Variants in USP38 observed in about 807,000 individuals in gnomAD.
The protein encoded by USP38 is ubiquitin carboxyl-terminal hydrolase 38.
In USP38, 49 loss-of-function variants were observed where a neutral mutation model predicts 94.3. The ratio of observed to expected loss-of-function variants is 0.52; its 90% CI spans 0.41 to 0.66. The LOEUF is 0.66. Ranked by LOEUF, USP38 falls within the 30% of genes least tolerant of loss-of-function variation. USP38 has a pLI of 0.00. For missense variants in USP38, 1,128 were observed against 1,229.4 expected, an observed-to-expected ratio of 0.92 and a Z score of 1.23; for synonymous variants, 468 against 463.6, an observed-to-expected ratio of 1.01 and a Z score of -0.12.
chr4:143,207,893 A>G (rs990533748), intron 6 of USP38, among the ~76,000 whole-genome samples: 7 of 152,148 alleles, frequency 4.6e-5, no homozygotes, highest in Non-Finnish European at 7.4e-5. Context: ...GGAAGACAGC[A>G]TATTTTATTT....
At chr4:143,197,704 T>C in intron 3 of USP38, 119 bp from the exon 4 acceptor site, 1 of 654,972 alleles carries the variant, frequency 1.5e-6, no homozygotes, top group South Asian at 2.1e-5. Flanking sequence ...TAAGTTATGT[T>C]AGAACTTTCC....
Position 143,195,788 on chromosome 4 carries a change from G to C in USP38, c.891G>C (p.Leu297=). The C allele has an allele frequency of 6.2e-7, 1 of 1,613,722 alleles. No individual in the cohort carries two copies. The highest frequency in any genetic ancestry group is 8.5e-7 in the Non-Finnish European group (1 of 1,179,818). Residue 297 remains leucine (L), a synonymous_variant, in exon 3 of 10, where the codon CTG becomes CTC. Transcript: ENST00000307017. ...DTWVIALLKG[L]AAVQKFTILI... ...GGGTAATTGCACTCCTGAAAGGACT[G>C]GCAGCTGTCCAGAAGTTTACTATTT...
intron 9 of USP38, 132 bp from the exon 10 acceptor site, chr4:143,220,163 T>A (rs1296425626): frequency 9.7e-6 from 10 of 1,026,392 alleles, no homozygotes; most frequent in Non-Finnish European, 1.3e-5. Flanking sequence ...TCTTAGGTGC[T>A]TTAGTTTCAA....
At chr4:143,197,710 T>G in intron 3 of USP38, 113 bp from the exon 4 acceptor site, 2 of 682,116 alleles carry the variant, frequency 2.9e-6, no homozygotes, top group Non-Finnish European at 5.0e-6. Flanking sequence ...ATGTTAGAAC[T>G]TTCCAGAAGG....
Position 143,220,373 on chromosome 4 carries a change from GACA to G in USP38, c.3049_3051del (p.Asn1017del), listed in dbSNP as rs1487323114. On this transcript the variant is annotated inframe_deletion, in exon 10 of 10. Coordinates refer to ENST00000307017, the MANE Select transcript of USP38 (RefSeq NM_032557.6). ...TTCATTTCGGCCCAATGGATTTGAT[GACA>G]ACGACCCACCAGGAAGCTGTGGACC... 3.1e-6 allele frequency: 5 copies of G among 1,613,402 alleles called. No homozygotes were observed. The Admixed American group carries it at 8.3e-5, about 27-fold the overall frequency.
In USP38 at chr4:143,223,797, A is replaced by C. The variant is rs554674629; in HGVS notation, c.*3341A>C. ...TCAAAAATACTGTACATTTATATAT[A>C]GTATTTTTTCTCATAAAAATGTGAT... On this transcript the variant is annotated 3_prime_UTR_variant, in exon 10 of 10. Coordinates refer to ENST00000307017, the MANE Select transcript of USP38 (RefSeq NM_032557.6). The C allele has an allele frequency of 2.0e-4, 30 of 152,260 alleles. No individual in the cohort carries two copies. The highest frequency in any genetic ancestry group is 6.7e-4 in the African/African-American group (28 of 41,584). The allele number at this position is 152,260 out of a possible 1,614,324, so 9.4% of individuals were successfully genotyped here.
Position 143,220,328 on chromosome 4 carries a change from C to A in USP38, c.3001C>A (p.Gln1001Lys). The A allele has an allele frequency of 1.9e-6, 3 of 1,612,974 alleles. No individual in the cohort carries two copies. Among genetic ancestry groups the A allele is most frequent in the Non-Finnish European group, 2.5e-6 (3 of 1,179,372 alleles). The change falls in exon 10 of 10, where the codon CAA becomes AAA. Residue 1001 changes from glutamine (Q) to lysine (K), a missense_variant. Gln to Lys is a moderately conservative substitution (Grantham distance 53). Transcript: ENST00000307017. ...QELNARARAL[Q>K]AASASCSFRP... ...GTTGAATGCTCGAGCCCGGGCCCTCCAAGCTGCATCTGCTTCATGTTCATT... is the reference window on the plus strand; with the variant it reads ...GTTGAATGCTCGAGCCCGGGCCCTCAAAGCTGCATCTGCTTCATGTTCATT...
Position 143,186,009 on chromosome 4 carries a change from G to A in USP38, c.559G>A (p.Glu187Lys), listed in dbSNP as rs1299171928. The A allele has an allele frequency of 6.2e-7, 1 of 1,614,116 alleles. No homozygotes were observed. Among genetic ancestry groups the A allele is most frequent in the African/African-American group, 1.3e-5 (1 of 74,948 alleles). Residue 187 changes from glutamate (E) to lysine (K), a missense_variant, in exon 1 of 10, where the codon GAG becomes AAG. Coordinates refer to ENST00000307017, the MANE Select transcript of USP38 (RefSeq NM_032557.6). ...HFQCVSTQER[E>K]LREYVSQVTK... ...CCAGTGCGTGTCCACCCAGGAAAGA[G>A]AGCTGCGGGAATATGTCTCCCAGGT... is the stretch of plus-strand genomic sequence containing the variant.
rs1007539172 is a variant in USP38 at position 143,220,278 on chromosome 4, G to A, written c.2968-17G>A. 3 of 1,597,902 alleles carry A rather than the reference G, an allele frequency of 1.9e-6. No homozygotes were observed. Among genetic ancestry groups the A allele is most frequent in the South Asian group, 2.2e-5 (2 of 89,224 alleles). ...TATTTAGCATTTTAATTTCATAAAA[G>A]TTATTTTTAATTTTAGGAACAAGAG... On this transcript the variant is annotated splice_polypyrimidine_tract_variant and intron_variant, in intron 9 of 9. Transcript: ENST00000307017.
chr4:143,208,680 T>C (rs1731938521), intron 6 of USP38, among the ~76,000 whole-genome samples: 1 of 152,064 alleles, frequency 6.6e-6, no homozygotes, highest in Admixed American at 6.5e-5. Flanking sequence ...TTCATGTTGC[T>C]TTATATATAC....
intron 2 of USP38, among the ~76,000 whole-genome samples, chr4:143,192,812 A>G (rs1731436281): frequency 6.6e-6 from 1 of 152,192 alleles, no homozygotes; most frequent in Non-Finnish European, 1.5e-5. Flanking sequence ...TTTGTGTAAC[A>G]TCTGATATGA....
At chr4:143,220,270 T>C in intron 9 of USP38, 25 bp from the exon 10 acceptor site, 1 of 1,593,396 alleles carries the variant, frequency 6.3e-7, no homozygotes, top group Non-Finnish European at 8.5e-7. Context: ...CATTTTAATT[T>C]CATAAAAGTT....
chr4:143,190,040 A>G (rs1367617911), intron 2 of USP38, among the ~76,000 whole-genome samples: 4 of 151,934 alleles, frequency 2.6e-5, no homozygotes, highest in African/African-American at 9.7e-5. Context: ...AGAAACTGTT[A>G]TCTTGTTCAT....
intron 2 of USP38, among the ~76,000 whole-genome samples, chr4:143,194,984 T>C (rs1419108573): frequency 6.6e-6 from 1 of 152,136 alleles, no homozygotes. Flanking sequence ...CATTACAATA[T>C]TTACAGACTT....
chr4:143,211,370 G>A (rs995013476), intron 7 of USP38, among the ~76,000 whole-genome samples: 1 of 151,972 alleles, frequency 6.6e-6, no homozygotes, highest in African/African-American at 2.4e-5. Flanking sequence ...AATCTTTTAT[G>A]TCTTAATCAT....
chr4:143,190,484 A>G (rs1731364289), intron 2 of USP38, among the ~76,000 whole-genome samples: 1 of 151,324 alleles, frequency 6.6e-6, no homozygotes, highest in Non-Finnish European at 1.5e-5. Context: ...AGGGTAGTCA[A>G]GTTTCTCACT....
intron 4 of USP38, among the ~76,000 whole-genome samples, chr4:143,200,482 A>T (rs1202955125): frequency 6.6e-6 from 1 of 152,202 alleles, no homozygotes; most frequent in East Asian, 1.9e-4. Context: ...CAAGACAAGG[A>T]TGTCCTCTCT....
intron 9 of USP38, among the ~76,000 whole-genome samples, chr4:143,217,921 A>G (rs954978855): frequency 6.6e-6 from 1 of 152,088 alleles, no homozygotes; most frequent in African/African-American, 2.4e-5. Context: ...CCCTTCATAT[A>G]TTTCTTTCCC....
intron 7 of USP38, 147 bp downstream of exon 7, chr4:143,209,804 A>T: frequency 1.9e-6 from 1 of 517,086 alleles, no homozygotes; most frequent in Non-Finnish European, 3.3e-6. Flanking sequence ...AATGCTAAAG[A>T]GATCCTGCCT....
Sources: gnomAD v4.1 joint callset for allele counts (sites outside exome capture counted in the v4.1 genomes callset) on GRCh38, gnomAD v4.1.1 for gene constraint, MANE v1.5 for transcripts, NCBI Gene and HGNC (gene_info 2026-07-23, HGNC 2026-07-21) for gene names.